Variants in OXR1 observed in about 807,000 individuals in gnomAD.
OXR1 encodes oxidation resistance protein 1.
Under a neutral mutation model 104.6 loss-of-function variants are expected in OXR1, and 41 were observed. The ratio of observed to expected loss-of-function variants is 0.39; its 90% CI spans 0.31 to 0.51. The LOEUF is 0.51. Ranked by LOEUF, OXR1 falls within the 20% of genes least tolerant of loss-of-function variation. The pLI is 0.77. For missense variants in OXR1, 955 were observed against 1,031.9 expected (o/e 0.93, Z 1.02); for synonymous variants, 348 against 348.4 (o/e 1.00, Z 0.01).
rs1483969608 is a variant in OXR1 at position 106,359,483 on chromosome 8, C to T, written c.-131C>T. ...TATTTCTTTTCTTTATAGGTCCTCT[C>T]AAACTGTGAGTAACTAAGTGGTTTG... On this transcript the variant is annotated 5_prime_UTR_variant, in exon 2 of 17. Coordinates refer to ENST00000517566, the MANE Select transcript of OXR1 (RefSeq NM_001198533.2). 1 of 695,896 alleles carries T rather than the reference C, an allele frequency of 1.4e-6. No homozygotes were observed. The highest frequency in any genetic ancestry group is 2.2e-5 in the Admixed American group (1 of 45,698). The allele number at this position is 695,896 out of a possible 1,614,324, so 43.1% of individuals were successfully genotyped here. A position where few individuals can be genotyped will look rare whatever the true frequency, so the allele number is the denominator to read the frequency against.
intron 2 of OXR1, among the ~76,000 whole-genome samples, chr8:106,501,183 A>G (rs1341538550): frequency 6.6e-6 from 1 of 152,148 alleles, no homozygotes; most frequent in Non-Finnish European, 1.5e-5. Flanking sequence ...TCAGGCAGTG[A>G]CACAATCAAG....
intron 2 of OXR1, among the ~76,000 whole-genome samples, chr8:106,513,608 A>C (rs2510812): frequency 0.077 from 11,726 of 152,288 alleles, 489 homozygotes; most frequent in Middle Eastern, 0.092. Context: ...TTCAAAATGC[A>C]GTGCAGTCCC....
At chr8:106,693,170 A>T (rs1443587782) in intron 7 of OXR1, among the ~76,000 whole-genome samples, 2 of 152,194 alleles carry the variant, frequency 1.3e-5, no homozygotes, top group East Asian at 3.9e-4. Flanking sequence ...GCTGCCAGGT[A>T]CTGTGTGGAG....
At chr8:106,649,847 C>G (rs1268183909) in intron 3 of OXR1, among the ~76,000 whole-genome samples, 1 of 152,052 alleles carries the variant, frequency 6.6e-6, no homozygotes, top group East Asian at 1.9e-4. Context: ...CAGGCACCCA[C>G]CGCCACGCCC....
chr8:106,580,573 T>C (rs995032767), intron 3 of OXR1, among the ~76,000 whole-genome samples: 10 of 152,192 alleles, frequency 6.6e-5, no homozygotes, highest in Non-Finnish European at 8.8e-5. Context: ...TTCAATTGTT[T>C]GGAATTCATA....
At position 106,703,081 on chromosome 8, in the gene OXR1, C is replaced by A; in HGVS notation, c.851C>A (p.Ser284Tyr). 6.2e-7 allele frequency: 1 copy of A among 1,608,272 alleles called. No individual in the cohort carries two copies. Among genetic ancestry groups the A allele is most frequent in the Non-Finnish European group, 8.5e-7 (1 of 1,175,074 alleles). Residue 284 changes from serine to tyrosine, a missense_variant, in exon 8 of 17, where the codon TCT (serine) becomes TAT (tyrosine). Physicochemically the swap from Ser to Tyr is moderately radical, Grantham distance 144 (BLOSUM62 -2). Coordinates refer to ENST00000517566, the MANE Select transcript of OXR1 (RefSeq NM_001198533.2). ...ATTTTGGATAGCAAAATAAAGGAAT[C>A]TTTACCCATGTAAGAGTGATATTTA... ...KEILDSKIKE[S>Y]LPIDIDQLSG...
intron 2 of OXR1, among the ~76,000 whole-genome samples, chr8:106,386,069 G>T (rs562096212): frequency 1.3e-5 from 2 of 148,776 alleles, no homozygotes; most frequent in South Asian, 2.1e-4. Flanking sequence ...CTGTTGAGCA[G>T]TGGGCAGCAG....
intron 3 of OXR1, among the ~76,000 whole-genome samples, chr8:106,549,734 G>C (rs1815658306): frequency 6.6e-6 from 1 of 152,088 alleles, no homozygotes; most frequent in Non-Finnish European, 1.5e-5. Flanking sequence ...CATATGCAAG[G>C]GATGAGGAAG....
chr8:106,634,375 A>G (rs541298070), intron 3 of OXR1, among the ~76,000 whole-genome samples: 3 of 152,338 alleles, frequency 2.0e-5, no homozygotes, highest in East Asian at 1.9e-4. Flanking sequence ...ATTTTAGCTC[A>G]GAGTAAAAAG....
chr8:106,474,479 A>G (rs1208568954), intron 2 of OXR1, among the ~76,000 whole-genome samples: 2 of 151,840 alleles, frequency 1.3e-5, no homozygotes, highest in African/African-American at 4.8e-5. Flanking sequence ...AATCTGGCCT[A>G]TTGACTATTT....
chr8:106,357,850 C>T (rs746376228), intron 1 of OXR1, among the ~76,000 whole-genome samples: 2 of 152,060 alleles, frequency 1.3e-5, no homozygotes, highest in Non-Finnish European at 2.9e-5. Context: ...AGTAAAAAAA[C>T]CACAAAACTT....
chr8:106,531,828 A>T (rs73699547), intron 3 of OXR1, among the ~76,000 whole-genome samples: 100 of 152,320 alleles, frequency 6.6e-4, no homozygotes, highest in African/African-American at 2.3e-3. Context: ...CAAGTTGCAG[A>T]TCTTTTGTGA....
intron 1 of OXR1, among the ~76,000 whole-genome samples, chr8:106,343,234 A>C (rs561224660): frequency 2.0e-5 from 3 of 152,220 alleles, no homozygotes; most frequent in Non-Finnish European, 2.9e-5. Flanking sequence ...AACCTGATCA[A>C]GTTTCTTCCC....
At chr8:106,575,699 TAAAA>T (rs10583625) in intron 3 of OXR1, among the ~76,000 whole-genome samples, 2 of 146,088 alleles carry the variant, frequency 1.4e-5, no homozygotes, top group East Asian at 2.0e-4. Flanking sequence ...AAGAATATAT[TAAAA>T]AAAAAAAAAA....
chr8:106,683,624 T>C (rs181161779), intron 5 of OXR1, among the ~76,000 whole-genome samples: 3 of 152,306 alleles, frequency 2.0e-5, no homozygotes, highest in Admixed American at 6.5e-5. Context: ...TCTCAAACTT[T>C]CAGTTTCTTT....
At chr8:106,704,074 CAA>C (rs977715868) in intron 8 of OXR1, among the ~76,000 whole-genome samples, 1 of 152,260 alleles carries the variant, frequency 6.6e-6, no homozygotes, top group Admixed American at 6.5e-5. Context: ...ATCCTTTGCT[CAA>C]AAGTCTCCAC....
intron 3 of OXR1, among the ~76,000 whole-genome samples, chr8:106,551,856 A>G (rs972191790): frequency 3.0e-5 from 3 of 99,690 alleles, no homozygotes; most frequent in Non-Finnish European, 4.1e-5. Context: ...ATATGTGTAT[A>G]TATATGTGTG....
chr8:106,635,786 T>C (rs560792382), intron 3 of OXR1, among the ~76,000 whole-genome samples: 4 of 152,284 alleles, frequency 2.6e-5, no homozygotes, highest in South Asian at 4.1e-4. Flanking sequence ...AAGTTTCTTA[T>C]AGTAAGAGTG....
At chr8:106,273,881 T>C (rs1319260957) in intron 1 of OXR1, among the ~76,000 whole-genome samples, 1 of 152,232 alleles carries the variant, frequency 6.6e-6, no homozygotes, top group Non-Finnish European at 1.5e-5. Context: ...TAAGTAAACA[T>C]TGTTTGATAA....
Sources: allele counts gnomAD v4.1 joint callset (sites outside exome capture counted in the v4.1 genomes callset), GRCh38; gene constraint gnomAD v4.1.1; transcripts MANE v1.5; gene names NCBI Gene and HGNC (gene_info 2026-07-23, HGNC 2026-07-21).